The following BTRC variants were observed in gnomAD, a reference collection of about 807,000 sequenced individuals.
BTRC encodes the protein F-box/WD repeat-containing protein 1A.
In BTRC, 42 loss-of-function variants were observed where a neutral mutation model predicts 85.5. The observed-to-expected ratio is 0.49, with a 90% CI of 0.38 to 0.64. BTRC has a LOEUF of 0.64. Among genes scored for constraint, BTRC ranks in the 30% least tolerant of loss-of-function variants. The probability of loss-of-function intolerance (pLI) is 0.00; values close to 1 mark genes in which losing one functional copy is unlikely to be tolerated. For synonymous variants in BTRC, 255 were observed against 263.3 expected (o/e 0.97, Z 0.30); for missense variants, 594 against 743.5 (o/e 0.80, Z 2.34).
chr10:101,369,218 TA>T (rs1357636618), intron 1 of BTRC, among the ~76,000 whole-genome samples: 3 of 151,672 alleles, frequency 2.0e-5, no homozygotes, highest in South Asian at 2.1e-4. Flanking sequence ...GGAGTATTAT[TA>T]TTTTTTTTTT....
intron 2 of BTRC, among the ~76,000 whole-genome samples, chr10:101,452,072 G>A (rs752335371): frequency 5.3e-5 from 8 of 152,104 alleles, no homozygotes; most frequent in Non-Finnish European, 1.2e-4. Context: ...AGAATTGCTC[G>A]AATCTCAGTA....
intron 1 of BTRC, among the ~76,000 whole-genome samples, chr10:101,363,512 G>A (rs1044896794): frequency 6.6e-6 from 1 of 152,040 alleles, no homozygotes; most frequent in African/African-American, 2.4e-5. Flanking sequence ...AGGCTGGAGT[G>A]CAGTAGCGCA....
Position 101,557,217 on chromosome 10 carries a change from T to C in BTRC, c.*4094T>C, listed in dbSNP as rs1342277380. The stretch of plus-strand genomic sequence containing the variant: ...TGGTGATGTGTAGTCAGTGTACCAA[T>C]ATGTTCACAACCTAGGATCATGATA... On this transcript the variant is annotated 3_prime_UTR_variant, in exon 15 of 15. Transcript: ENST00000370187. 1 of 152,232 alleles carries C rather than the reference T, an allele frequency of 6.6e-6. No individual in the cohort carries two copies. Among genetic ancestry groups the C allele is most frequent in the South Asian group, 2.1e-4 (1 of 4,830 alleles). 9.4% of individuals were successfully genotyped at this position (152,232 alleles called of 1,614,324 possible).
intron 2 of BTRC, among the ~76,000 whole-genome samples, chr10:101,448,807 T>A (rs1944890403): frequency 6.6e-6 from 1 of 152,008 alleles, no homozygotes; most frequent in Non-Finnish European, 1.5e-5. Flanking sequence ...TAATGTATGG[T>A]GTATAATTTT....
intron 1 of BTRC, among the ~76,000 whole-genome samples, chr10:101,421,706 G>T (rs531581058): frequency 6.9e-6 from 1 of 144,094 alleles, no homozygotes; most frequent in South Asian, 2.2e-4. Context: ...CCCACCAAGA[G>T]TGAGAACGTG....
chr10:101,479,495 C>T, intron 4 of BTRC, 38 bp downstream of exon 4: 5 of 1,487,660 alleles, frequency 3.4e-6, no homozygotes, highest in Non-Finnish European at 4.7e-6. Flanking sequence ...TTACACCACA[C>T]CATAACAGTG....
intron 4 of BTRC, among the ~76,000 whole-genome samples, chr10:101,519,495 C>T (rs2062071355): frequency 6.6e-6 from 1 of 152,198 alleles, no homozygotes; most frequent in Non-Finnish European, 1.5e-5. Context: ...AGACTGACCA[C>T]ATTCCTTGCC....
At chr10:101,506,858 GA>G (rs1946555500) in intron 4 of BTRC, among the ~76,000 whole-genome samples, 1 of 152,160 alleles carries the variant, frequency 6.6e-6, no homozygotes, top group Non-Finnish European at 1.5e-5. Context: ...AGGGGTTTTT[GA>G]AAAGAGATCT....
At chr10:101,384,202 T>G (rs1180941114) in intron 1 of BTRC, among the ~76,000 whole-genome samples, 1 of 152,208 alleles carries the variant, frequency 6.6e-6, no homozygotes. Flanking sequence ...AGTGGCAAAT[T>G]TGTTACGTCA....
chr10:101,482,393 C>CTTTTTTTTTTTTTTTT (rs55978440), intron 4 of BTRC, among the ~76,000 whole-genome samples: 2 of 99,822 alleles, frequency 2.0e-5, no homozygotes, highest in Non-Finnish European at 4.2e-5. Flanking sequence ...TTGTTTGTTT[C>CTTTTTTTTTTTTTTTT]TTTTTTTTTT....
rs17767748 is a variant in BTRC, at chr10:101,526,143, C to T, written c.687C>T (p.Ile229=). 0.07 allele frequency: 113,470 copies of T among 1,613,960 alleles called. 4,238 individuals are homozygous for T. The highest frequency in any genetic ancestry group is 0.078 in the Non-Finnish European group (91,713 of 1,179,956). The part of the protein sequence containing the change: ...TSDGMLWKKL[I]ERMVRTDSLW... ...ATGGCATGCTGTGGAAGAAGCTTAT[C>T]GAGAGAATGGTCAGGACAGATTCTC... is the stretch of plus-strand genomic sequence containing the variant. Residue 229 remains isoleucine, a synonymous_variant, in exon 6 of 15, where the codon ATC becomes ATT. Coordinates refer to ENST00000370187, the MANE Select transcript of BTRC (RefSeq NM_033637.4).
chr10:101,534,494 A>G (rs1357149662), intron 9 of BTRC, among the ~76,000 whole-genome samples, 167 bp from the exon 10 acceptor site: 4 of 152,020 alleles, frequency 2.6e-5, no homozygotes, highest in African/African-American at 9.7e-5. Flanking sequence ...CCATATTTCA[A>G]GCAGTATGTC....
intron 4 of BTRC, among the ~76,000 whole-genome samples, chr10:101,520,132 G>A (rs940154682): frequency 3.7e-5 from 5 of 136,650 alleles, no homozygotes; most frequent in African/African-American, 1.0e-4. Flanking sequence ...GTATTTGCTT[G>A]TATTTTGTTT....
chr10:101,422,773 A>C (rs945747335), intron 1 of BTRC, among the ~76,000 whole-genome samples: 2 of 152,082 alleles, frequency 1.3e-5, no homozygotes, highest in Non-Finnish European at 2.9e-5. Context: ...AAGATCAGAT[A>C]GTTGTAGATG....
chr10:101,527,267 A>G (rs1441601413), intron 6 of BTRC, among the ~76,000 whole-genome samples: 1 of 152,354 alleles, frequency 6.6e-6, no homozygotes, highest in South Asian at 2.1e-4. Flanking sequence ...TTTTCATGAA[A>G]AAGTAGTTGG....
At chr10:101,504,218 A>C (rs1214418926) in intron 4 of BTRC, among the ~76,000 whole-genome samples, 1 of 152,208 alleles carries the variant, frequency 6.6e-6, no homozygotes, top group African/African-American at 2.4e-5. Flanking sequence ...AGACAATTAA[A>C]CTTTATTACT....
chr10:101,553,865 A>T lies in BTRC; in HGVS notation c.*742A>T, dbSNP rs1419759266. The T allele has an allele frequency of 6.6e-6, 1 of 152,646 alleles. No homozygotes were observed. The highest frequency in any genetic ancestry group is 1.5e-5 in the Non-Finnish European group (1 of 68,068). The allele number at this position is 152,646 out of a possible 1,614,324, so 9.5% of individuals were successfully genotyped here. A position where few individuals can be genotyped will look rare whatever the true frequency, so the allele number is the denominator to read the frequency against. The stretch of plus-strand genomic sequence containing the variant: ...TACGAAGAGAGTGTCCTCCTCTCAC[A>T]TGAGCCAGATCAGCCAGAAAATGCA... On this transcript the variant is annotated 3_prime_UTR_variant, in exon 15 of 15. Transcript: ENST00000370187.
At chr10:101,415,409 C>G (rs1295565625) in intron 1 of BTRC, among the ~76,000 whole-genome samples, 2 of 151,602 alleles carry the variant, frequency 1.3e-5, no homozygotes, top group Non-Finnish European at 2.9e-5. Flanking sequence ...CTCCTGGACT[C>G]AAGGGATCTG....
intron 4 of BTRC, among the ~76,000 whole-genome samples, chr10:101,511,482 C>T (rs2061952658): frequency 6.6e-6 from 1 of 152,170 alleles, no homozygotes; most frequent in South Asian, 2.1e-4. Flanking sequence ...GTGCCTCAGA[C>T]TCCCAAGTAG....
Sources: allele counts gnomAD v4.1 joint callset (sites outside exome capture counted in the v4.1 genomes callset), GRCh38; gene constraint gnomAD v4.1.1; transcripts MANE v1.5; gene names NCBI Gene and HGNC (gene_info 2026-07-23, HGNC 2026-07-21).